The following KCNH8 variants were observed in gnomAD, a reference collection of about 807,000 sequenced individuals.
KCNH8 encodes the protein potassium voltage-gated channel subfamily H member 8, also known as voltage-gated delayed rectifier potassium channel KCNH8.
In KCNH8, 70 loss-of-function variants were observed where a neutral mutation model predicts 103.6. The ratio of observed to expected loss-of-function variants is 0.68; its 90% CI spans 0.56 to 0.82. The LOEUF (loss-of-function observed/expected upper bound fraction) is 0.82. Ranked by LOEUF, KCNH8 falls within the 40% of genes least tolerant of loss-of-function variation. The probability of loss-of-function intolerance (pLI) is 0.00; values close to 1 mark genes in which losing one functional copy is unlikely to be tolerated. For synonymous variants in KCNH8, 498 were observed against 489.4 expected (o/e 1.02, Z -0.23); for missense variants, 1,217 against 1,329.9 (o/e 0.92, Z 1.32).
chr3:19,505,372 A>G (rs970698607), intron 11 of KCNH8, among the ~76,000 whole-genome samples: 1 of 152,114 alleles, frequency 6.6e-6, no homozygotes. Context: ...TACATGGGGA[A>G]TGAAATAATC....
chr3:19,363,384 G>C (rs1046986385), intron 5 of KCNH8, among the ~76,000 whole-genome samples: 2 of 152,018 alleles, frequency 1.3e-5, no homozygotes, highest in Non-Finnish European at 2.9e-5. Flanking sequence ...TTCCTGAACA[G>C]CTCTGAAGAG....
chr3:19,305,087 C>T (rs893760322), intron 3 of KCNH8, among the ~76,000 whole-genome samples: 3 of 151,140 alleles, frequency 2.0e-5, no homozygotes, highest in Non-Finnish European at 4.4e-5. Context: ...AAAGATAATT[C>T]GACTTCCAGA....
intron 1 of KCNH8, among the ~76,000 whole-genome samples, chr3:19,233,409 C>A (rs1336502289): frequency 6.6e-6 from 1 of 152,050 alleles, no homozygotes; most frequent in Non-Finnish European, 1.5e-5. Context: ...ACTTATGCTT[C>A]TGTGCTTTGC....
intron 7 of KCNH8, among the ~76,000 whole-genome samples, chr3:19,399,869 G>T (rs556030297): frequency 1.1e-4 from 17 of 151,978 alleles, no homozygotes; most frequent in Admixed American, 4.6e-4. Context: ...TCATTAGCAG[G>T]ATGTGTAGAC....
At chr3:19,184,426 G>C (rs2063483702) in intron 1 of KCNH8, among the ~76,000 whole-genome samples, 1 of 151,804 alleles carries the variant, frequency 6.6e-6, no homozygotes, top group Non-Finnish European at 1.5e-5. Context: ...GATCAGCTGG[G>C]AAAAAGGATG....
chr3:19,361,916 G>A (rs1332310992), intron 5 of KCNH8, among the ~76,000 whole-genome samples: 1 of 152,076 alleles, frequency 6.6e-6, no homozygotes, highest in Non-Finnish European at 1.5e-5. Context: ...AGGAGAAAGG[G>A]AGGGAAAGTA....
At chr3:19,275,311 A>G (rs1341683633) in intron 2 of KCNH8, among the ~76,000 whole-genome samples, 3 of 151,846 alleles carry the variant, frequency 2.0e-5, no homozygotes, top group Admixed American at 6.6e-5. Flanking sequence ...TTTATTTTTC[A>G]TTAAACATTG....
chr3:19,200,420 C>G (rs1379662280), intron 1 of KCNH8, among the ~76,000 whole-genome samples: 3 of 151,548 alleles, frequency 2.0e-5, no homozygotes, highest in African/African-American at 7.3e-5. Flanking sequence ...ACAAAATTGG[C>G]ATGTCTTCAA....
chr3:19,278,688 T>C lies in KCNH8; in HGVS notation c.311-2510T>C, dbSNP rs190886072. ...ATCAGCCTAGTTCATGTAAAATCAT[T>C]CCAAAGCTTGAATTTAGAAAGATCC... is the stretch of plus-strand genomic sequence containing the variant. On this transcript the variant is annotated intron_variant, in intron 2 of 15. Coordinates refer to ENST00000328405, the MANE Select transcript of KCNH8 (RefSeq NM_144633.3). Among the ~76,000 whole-genome samples, 4 of 152,272 alleles carry C rather than the reference T, an allele frequency of 2.6e-5. No homozygotes were observed. The East Asian group carries it at 7.7e-4, about 29-fold the overall frequency.
chr3:19,272,120 T>A (rs1032919475), intron 2 of KCNH8, among the ~76,000 whole-genome samples: 1 of 152,088 alleles, frequency 6.6e-6, no homozygotes, highest in African/African-American at 2.4e-5. Context: ...GTTTTTGACC[T>A]TGGATTCATC....
At chr3:19,435,704 T>C (rs1438069802) in intron 7 of KCNH8, among the ~76,000 whole-genome samples, 4 of 152,344 alleles carry the variant, frequency 2.6e-5, no homozygotes, top group African/African-American at 9.6e-5. Context: ...CTAAATCTGA[T>C]TTAACAAGCT....
intron 1 of KCNH8, among the ~76,000 whole-genome samples, chr3:19,232,419 A>C (rs759257131): frequency 2.6e-5 from 4 of 152,160 alleles, no homozygotes; most frequent in Non-Finnish European, 5.9e-5. Context: ...AATAAAGGAG[A>C]GTTTCTATTT....
intron 11 of KCNH8, among the ~76,000 whole-genome samples, chr3:19,490,227 C>A (rs140234352): frequency 6.6e-6 from 1 of 151,104 alleles, no homozygotes; most frequent in East Asian, 1.9e-4. Flanking sequence ...CAGGAAACCA[C>A]GAAATGTAGC....
intron 11 of KCNH8, among the ~76,000 whole-genome samples, chr3:19,481,085 C>G (rs1399993315): frequency 6.6e-6 from 1 of 152,102 alleles, no homozygotes; most frequent in Non-Finnish European, 1.5e-5. Flanking sequence ...TTCTTCCATC[C>G]TAATAGATGG....
chr3:19,520,956 AAT>A (rs1186627427), intron 15 of KCNH8, among the ~76,000 whole-genome samples: 1 of 152,050 alleles, frequency 6.6e-6, no homozygotes, highest in African/African-American at 2.4e-5. Context: ...ACATTCACAG[AAT>A]AGTTAGGAGA....
intron 1 of KCNH8, among the ~76,000 whole-genome samples, chr3:19,180,972 AC>A (rs1464169775): frequency 6.6e-6 from 1 of 152,172 alleles, no homozygotes; most frequent in African/African-American, 2.4e-5. Flanking sequence ...CAGAAATATA[AC>A]ATGGTAATAT....
intron 7 of KCNH8, among the ~76,000 whole-genome samples, chr3:19,420,542 T>G (rs1206435485): frequency 6.6e-6 from 1 of 152,188 alleles, no homozygotes; most frequent in Non-Finnish European, 1.5e-5. Flanking sequence ...TATGCTGGCT[T>G]AGGTTTACAG....
At chr3:19,314,591 AAAC>A (rs1317964712) in intron 3 of KCNH8, among the ~76,000 whole-genome samples, 1 of 151,918 alleles carries the variant, frequency 6.6e-6, no homozygotes, top group African/African-American at 2.4e-5. Flanking sequence ...ACAAACAAAC[AAAC>A]AACAAACAAA....
At chr3:19,430,645 A>G (rs1229368256) in intron 7 of KCNH8, among the ~76,000 whole-genome samples, 2 of 151,966 alleles carry the variant, frequency 1.3e-5, no homozygotes, top group Non-Finnish European at 2.9e-5. Flanking sequence ...TGTTTCCGTC[A>G]TCTCTGATTT....
Sources: gnomAD v4.1 joint callset for allele counts (sites outside exome capture counted in the v4.1 genomes callset) on GRCh38, gnomAD v4.1.1 for gene constraint, MANE v1.5 for transcripts, NCBI Gene and HGNC (gene_info 2026-07-23, HGNC 2026-07-21) for gene names.